The following FHL2 variants were observed in gnomAD, a reference collection of about 807,000 sequenced individuals.
FHL2 encodes four and a half LIM domains 2.
FHL2 carries 20 observed loss-of-function variants against 32.7 expected under a neutral mutation model. The observed-to-expected ratio is 0.61, with a 90% CI of 0.43 to 0.89. The LOEUF (loss-of-function observed/expected upper bound fraction) is 0.89. Among genes scored for constraint, FHL2 ranks in the 40% least tolerant of loss-of-function variants. FHL2 has a pLI of 0.00. For missense variants in FHL2, 311 were observed against 358.6 expected, an observed-to-expected ratio of 0.87 and a Z score of 1.07; for synonymous variants, 123 against 128.1, an observed-to-expected ratio of 0.96 and a Z score of 0.27.
Position 105,386,557 on chromosome 2 carries a change from A to C in FHL2, c.-24-17T>G. Reference sequence around the variant, plus strand: ...TTCAGCAACCTATCAAAAAGAAAAGAAAATCCAAGTCCCATTAAGCACTCT... The same window carrying C: ...TTCAGCAACCTATCAAAAAGAAAAGCAAATCCAAGTCCCATTAAGCACTCT... On this transcript the variant is annotated splice_polypyrimidine_tract_variant and intron_variant, in intron 2 of 6. Coordinates refer to ENST00000530340, the MANE Select transcript of FHL2 (RefSeq NM_001318895.3). 1 of 1,613,212 alleles carries C rather than the reference A, an allele frequency of 6.2e-7. No homozygotes were observed. The highest frequency in any genetic ancestry group is 1.7e-4 in the Middle Eastern group (1 of 6,056).
At chr2:105,378,163 A>G (rs1368079905) in intron 3 of FHL2, 1 of 471,086 alleles carries the variant, frequency 2.1e-6, no homozygotes, top group Non-Finnish European at 4.4e-6. Context: ...CATGGGTCCA[A>G]GGCACTGCAG....
chr2:105,393,027 AG>A (rs1201691781), intron 2 of FHL2, among the ~76,000 whole-genome samples: 1 of 150,898 alleles, frequency 6.6e-6, no homozygotes, highest in Non-Finnish European at 1.5e-5. Flanking sequence ...CGATCAAAGG[AG>A]GGGCTGCCAT....
chr2:105,375,133 A>ATG (rs34073273), intron 3 of FHL2: 8,399 of 150,368 alleles, frequency 0.056, 223 homozygotes, highest in Middle Eastern at 0.11. Flanking sequence ...TTGCTGAAGT[A>ATG]TGTGTGTGTG....
intron 1 of FHL2, among the ~76,000 whole-genome samples, chr2:105,433,427 C>T (rs933286360): frequency 6.6e-6 from 1 of 152,148 alleles, no homozygotes; most frequent in Non-Finnish European, 1.5e-5. Flanking sequence ...GGTGATCTGC[C>T]CACCTCGGCC....
intron 3 of FHL2, among the ~76,000 whole-genome samples, chr2:105,380,552 A>G (rs565854587): frequency 6.6e-6 from 1 of 152,288 alleles, no homozygotes; most frequent in East Asian, 1.9e-4. Flanking sequence ...CCAAACAGAA[A>G]AGCTCCAAAC....
At chr2:105,419,849 A>T (rs1573400063) in intron 1 of FHL2, among the ~76,000 whole-genome samples, 1 of 152,308 alleles carries the variant, frequency 6.6e-6, no homozygotes, top group East Asian at 1.9e-4. Flanking sequence ...AGTGTAATTA[A>T]CAGACCCCAG....
At chr2:105,417,684 C>CAAAAAAA (rs11353319) in intron 1 of FHL2, among the ~76,000 whole-genome samples, 11 of 89,334 alleles carry the variant, frequency 1.2e-4, no homozygotes, top group South Asian at 4.0e-4. Flanking sequence ...ACTCCATCTC[C>CAAAAAAA]AAAAAAAAAA....
At chr2:105,418,738 C>T (rs1684010167) in intron 1 of FHL2, among the ~76,000 whole-genome samples, 1 of 152,188 alleles carries the variant, frequency 6.6e-6, no homozygotes, top group South Asian at 2.1e-4. Context: ...CTTTCAGTTA[C>T]TCATGGTCCA....
intron 1 of FHL2, among the ~76,000 whole-genome samples, chr2:105,420,884 G>A (rs1474788360): frequency 6.6e-6 from 1 of 152,148 alleles, no homozygotes; most frequent in Non-Finnish European, 1.5e-5. Flanking sequence ...CTCGCCTGCT[G>A]CTCACCTCCT....
chr2:105,384,475 A>T (rs1417663439), intron 3 of FHL2, among the ~76,000 whole-genome samples: 1 of 151,980 alleles, frequency 6.6e-6, no homozygotes, highest in Non-Finnish European at 1.5e-5. Flanking sequence ...TACTAGAAAG[A>T]CCCTATGAAG....
At chr2:105,406,602 C>G (rs1683637740) in intron 1 of FHL2, among the ~76,000 whole-genome samples, 2 of 152,128 alleles carry the variant, frequency 1.3e-5, no homozygotes, top group South Asian at 4.1e-4. Context: ...GAGGGTCTGT[C>G]TGTATTGCTG....
intron 3 of FHL2, chr2:105,375,457 G>A (rs1681404941): frequency 6.6e-6 from 1 of 152,204 alleles, no homozygotes; most frequent in Admixed American, 6.5e-5. Flanking sequence ...GGCCAACATG[G>A]CGAAACCCTA....
rs1348809049 is a variant in FHL2 at position 105,396,697 on chromosome 2, A to G, written c.-75T>C. Reference sequence around the variant, plus strand: ...CTCCAGGAAGACACAGTTCTCAGCCACTAGAGAAAGCACACGTGTTTTGTT... The same window carrying G: ...CTCCAGGAAGACACAGTTCTCAGCCGCTAGAGAAAGCACACGTGTTTTGTT... On this transcript the variant is annotated splice_region_variant and 5_prime_UTR_variant, in exon 2 of 7. Coordinates refer to ENST00000530340, the MANE Select transcript of FHL2 (RefSeq NM_001318895.3). The G allele has an allele frequency of 1.9e-6, 3 of 1,612,780 alleles. No individual in the cohort carries two copies. The highest frequency in any genetic ancestry group is 2.2e-5 in the East Asian group (1 of 44,888).
rs755424821 is a variant in FHL2 at position 105,367,739 on chromosome 2, C to T, written c.332G>A (p.Gly111Asp). 1 of 1,613,050 alleles carries T rather than the reference C, an allele frequency of 6.2e-7. No individual in the cohort carries two copies. ...GCCCTTGTACTCCATCTTGCGGGTA[C>T]CTGTCATCAGGGTCAAGAGGAACAC... ...CQECKKTIMP[G>D]TRKMEYKGSS... Residue 111 changes from glycine to aspartate, a missense_variant and splice_region_variant, in exon 5 of 7, where the codon GGT (glycine) becomes GAT (aspartate). By Grantham distance (94) the Gly-to-Asp change is moderately conservative. Transcript: ENST00000530340.
intron 1 of FHL2, among the ~76,000 whole-genome samples, chr2:105,424,675 C>T (rs957507129): frequency 2.0e-5 from 3 of 152,176 alleles, no homozygotes; most frequent in African/African-American, 4.8e-5. Context: ...GGCACATATA[C>T]ACCATGGAAT....
intron 1 of FHL2, among the ~76,000 whole-genome samples, chr2:105,430,592 T>C (rs912554229): frequency 2.3e-4 from 35 of 152,130 alleles, no homozygotes; most frequent in African/African-American, 8.4e-4. Flanking sequence ...CGCTTGACCC[T>C]GGGAGGTAGA....
Position 105,435,936 on chromosome 2 carries a change from A to G in FHL2, c.-25+2463T>C, listed in dbSNP as rs140400384. On this transcript the variant is annotated intron_variant, in intron 1 of 5. Transcript: ENST00000393352. ...TCCTCCTTAATAAAACAGATCAAGTATGTTTTATGCATTGTTGCCTTGATA... is the reference window on the plus strand; with the variant it reads ...TCCTCCTTAATAAAACAGATCAAGTGTGTTTTATGCATTGTTGCCTTGATA... Among the ~76,000 whole-genome samples the G allele has an allele frequency of 3.3e-5, 5 of 152,352 alleles. No homozygotes were observed. In the East Asian group the frequency reaches 5.8e-4, roughly 18 times the overall value.
intron 5 of FHL2, among the ~76,000 whole-genome samples, chr2:105,364,154 G>C (rs1680475058): frequency 6.6e-6 from 1 of 152,174 alleles, no homozygotes; most frequent in African/African-American, 2.4e-5. Context: ...TACTCAGGAG[G>C]CTAAGGCAGG....
At chr2:105,419,553 C>G (rs1159288791) in intron 1 of FHL2, among the ~76,000 whole-genome samples, 4 of 152,156 alleles carry the variant, frequency 2.6e-5, no homozygotes, top group African/African-American at 9.7e-5. Flanking sequence ...AAGTCAGCAC[C>G]AAGACAGGTC....
Sources: gnomAD v4.1 joint callset for allele counts (sites outside exome capture counted in the v4.1 genomes callset) on GRCh38, gnomAD v4.1.1 for gene constraint, MANE v1.5 for transcripts, NCBI Gene and HGNC (gene_info 2026-07-23, HGNC 2026-07-21) for gene names.